Variants in CRISP2 observed in about 807,000 individuals in gnomAD.
CRISP2 encodes cysteine rich secretory protein 2, also known as cysteine-rich secretory protein 2.
In CRISP2, 29 loss-of-function variants were observed where a neutral mutation model predicts 31.7. The observed-to-expected ratio is 0.92, with a 90% CI of 0.68 to 1.25. The LOEUF is 1.25. Among genes scored for constraint, CRISP2 ranks in the 50% most tolerant of loss-of-function variants. The probability of loss-of-function intolerance (pLI) is 0.00; values close to 1 mark genes in which losing one functional copy is unlikely to be tolerated. For synonymous variants in CRISP2, 111 were observed against 101.4 expected (o/e 1.09, Z -0.57); for missense variants, 318 against 286.5 (o/e 1.11, Z -0.79).
the CRISP2 span, among the ~76,000 whole-genome samples, chr6:49,682,916 T>C: frequency 6.6e-6 from 1 of 151,512 alleles, no homozygotes; most frequent in African/African-American, 2.4e-5. Context: ...CTCAGCACTT[T>C]GTGAGGCCGA....
chr6:49,682,573 T>TTCTC, the CRISP2 span, among the ~76,000 whole-genome samples: 22 of 105,900 alleles, frequency 2.1e-4, no homozygotes, highest in East Asian at 9.2e-4. Flanking sequence ...CTTTCTTTCT[T>TTCTC]TTTCTTTCTT....
chr6:49,694,541 TACCCCAC>T (rs978042048), intron 9 of CRISP2, among the ~76,000 whole-genome samples: 6 of 151,828 alleles, frequency 4.0e-5, no homozygotes, highest in African/African-American at 1.5e-4. Flanking sequence ...CAAGGCAGAG[TACCCCAC>T]ACACTTCCTT....
chr6:49,708,818 T>C (rs1451184100), intron 4 of CRISP2, among the ~76,000 whole-genome samples: 1 of 152,212 alleles, frequency 6.6e-6, no homozygotes, highest in Non-Finnish European at 1.5e-5. Flanking sequence ...AAAAATGAGA[T>C]ATTTCCTTCT....
intron 4 of CRISP2, among the ~76,000 whole-genome samples, chr6:49,705,349 C>T (rs188276389): frequency 6.6e-6 from 1 of 152,066 alleles, no homozygotes; most frequent in African/African-American, 2.4e-5. Flanking sequence ...CCAATCTCAC[C>T]CCTGCTGTGC....
Position 49,692,878 on chromosome 6 carries a change from A to T in CRISP2, c.627T>A (p.Asp209Glu). The change falls in exon 10 of 10, where the codon GAT (aspartate) becomes GAA (glutamate). Residue 209 changes from aspartate to glutamate, a missense_variant. Coordinates refer to ENST00000339139, the MANE Select transcript of CRISP2 (RefSeq NM_003296.4). ...GLCTNSCQYQ[D>E]LLSNCDSLKN... ...TCAAGGAATCACAGTTACTTAGGAG[A>T]TCTTGATACTGGCAACTATTGGCTG... The T allele has an allele frequency of 6.2e-7, 1 of 1,613,672 alleles. No individual in the cohort carries two copies. The highest frequency in any genetic ancestry group is 8.5e-7 in the Non-Finnish European group (1 of 1,179,674).
chr6:49,704,645 T>C (rs1445585551), intron 4 of CRISP2, among the ~76,000 whole-genome samples: 1 of 152,168 alleles, frequency 6.6e-6, no homozygotes, highest in Non-Finnish European at 1.5e-5. Context: ...GCAGAGCTAC[T>C]GGGCTCCAGG....
At chr6:49,682,667 C>CT in the CRISP2 span, among the ~76,000 whole-genome samples, 7 of 132,036 alleles carry the variant, frequency 5.3e-5, no homozygotes, top group Admixed American at 1.6e-4. Context: ...TTCTTTCTTT[C>CT]TTCTCTCTCT....
the CRISP2 span, among the ~76,000 whole-genome samples, chr6:49,686,493 C>T: frequency 6.6e-6 from 1 of 152,000 alleles, no homozygotes. Context: ...AATAAAAAAC[C>T]CACAATGAGA....
chr6:49,700,671 C>G lies in CRISP2; in HGVS notation c.180G>C (p.Lys60Asn). ...AVSPPASNML[K>N]MEWSREVTTN... ...TCCTTACAGCACTGCCTCTTACCAT[C>G]TTTAGCATGTTACTGGCAGGTGGAG... The change falls in exon 5 of 10, where the codon AAG becomes AAC. Residue 60 changes from lysine (K) to asparagine (N), a missense_variant. Lys to Asn is a moderately conservative substitution (Grantham distance 94). Transcript: ENST00000339139. The G allele has an allele frequency of 6.3e-7, 1 of 1,598,314 alleles. No homozygotes were observed. Among genetic ancestry groups the G allele is most frequent in the Non-Finnish European group, 8.6e-7 (1 of 1,166,234 alleles).
chr6:49,693,334 A>C (rs1364982546), intron 9 of CRISP2, among the ~76,000 whole-genome samples: 3 of 152,216 alleles, frequency 2.0e-5, no homozygotes, highest in African/African-American at 7.2e-5. Context: ...TAATCTTGTT[A>C]GCCACATTTC....
rs565710746 is a variant in CRISP2, at chr6:49,707,052, T to C, written c.66+2079A>G. Among the ~76,000 whole-genome samples the C allele has an allele frequency of 5.3e-5, 8 of 152,312 alleles. No individual in the cohort carries two copies. In the South Asian group the frequency reaches 1.7e-3, roughly 32 times the overall value. ...TTTCATCTCAAAACACATAAAAAGT[T>C]AATTTCTAAATTATTTCCTGCTTCT... On this transcript the variant is annotated intron_variant, in intron 4 of 9. Coordinates refer to ENST00000339139, the MANE Select transcript of CRISP2 (RefSeq NM_003296.4).
chr6:49,686,174 A>G, the CRISP2 span, among the ~76,000 whole-genome samples: 1 of 152,232 alleles, frequency 6.6e-6, no homozygotes, highest in Non-Finnish European at 1.5e-5. Context: ...TATACTGAAG[A>G]TACGTCCATA....
Position 49,700,659 on chromosome 6 carries a change from G to A in CRISP2, c.183+9C>T, listed in dbSNP as rs752068363. On this transcript the variant is annotated intron_variant, in intron 5 of 9. Transcript: ENST00000339139. ...TTCACACCCATCTCCTTACAGCACT[G>A]CCTCTTACCATCTTTAGCATGTTAC... 1.9e-6 allele frequency: 3 copies of A among 1,548,880 alleles called. No individual in the cohort carries two copies. The East Asian group carries it at 6.7e-5, about 35-fold the overall frequency.
At chr6:49,701,737 T>C (rs1286581776) in intron 4 of CRISP2, among the ~76,000 whole-genome samples, 2 of 108,624 alleles carry the variant, frequency 1.8e-5, no homozygotes, top group African/African-American at 3.6e-5. Flanking sequence ...AATGTATATA[T>C]ACACGGTATA....
downstream of CRISP2, among the ~76,000 whole-genome samples, chr6:49,690,426 A>C (rs939990270): frequency 2.6e-5 from 4 of 152,152 alleles, no homozygotes; most frequent in African/African-American, 9.6e-5. Context: ...TGACCAGATT[A>C]AGTAAGAAAA....
chr6:49,685,247 C>T, the CRISP2 span, among the ~76,000 whole-genome samples: 4 of 152,184 alleles, frequency 2.6e-5, no homozygotes, highest in Non-Finnish European at 5.9e-5. Flanking sequence ...TTTAGAAAGT[C>T]GTAAGACAGC....
intron 4 of CRISP2, among the ~76,000 whole-genome samples, chr6:49,702,007 ATAT>A (rs201438048): frequency 0.14 from 13,604 of 94,204 alleles, 1,105 homozygotes; most frequent in African/African-American, 0.21. Flanking sequence ...TATATTATAC[ATAT>A]TAATGTATAC....
the CRISP2 span, among the ~76,000 whole-genome samples, chr6:49,677,137 T>G: frequency 6.6e-6 from 1 of 152,136 alleles, no homozygotes; most frequent in East Asian, 1.9e-4. Flanking sequence ...TAATCAACTT[T>G]GGCAGCACCA....
chr6:49,710,063 C>A (rs1192249735), intron 3 of CRISP2, among the ~76,000 whole-genome samples: 1 of 152,078 alleles, frequency 6.6e-6, no homozygotes, highest in Admixed American at 6.5e-5. Context: ...AGTTATGCTG[C>A]CTAGATTTGT....
Sources: gnomAD v4.1 joint callset for allele counts (sites outside exome capture counted in the v4.1 genomes callset) on GRCh38, gnomAD v4.1.1 for gene constraint, MANE v1.5 for transcripts, NCBI Gene and HGNC (gene_info 2026-07-23, HGNC 2026-07-21) for gene names.